The following EPHA6 variants were observed in gnomAD, a reference collection of about 807,000 sequenced individuals.
EPHA6 encodes EPH receptor A6, also known as ephrin type-A receptor 6.
Under a neutral mutation model 112.0 loss-of-function variants are expected in EPHA6, and 50 were observed. That is an observed-to-expected ratio of 0.45 (90% CI 0.36 to 0.56). The LOEUF is 0.56. EPHA6 is among the 20% of genes least tolerant of loss of function. The probability of loss-of-function intolerance (pLI) is 0.00; values close to 1 mark genes in which losing one functional copy is unlikely to be tolerated. For synonymous variants in EPHA6, 529 were observed against 490.7 expected (o/e 1.08, Z -1.03); for missense variants, 1,280 against 1,417.4 (o/e 0.90, Z 1.56).
chr3:97,232,112 T>G (rs1254429475), intron 4 of EPHA6, among the ~76,000 whole-genome samples: 2 of 152,192 alleles, frequency 1.3e-5, no homozygotes, highest in African/African-American at 4.8e-5. Flanking sequence ...ACCACATTTT[T>G]GGGTGTGATT....
At position 97,417,724 on chromosome 3, in the gene EPHA6, G is replaced by A. The variant is rs72928206; in HGVS notation, c.1731+12450G>A. ...TGAGAACACTATTGTCAGGATCAGA[G>A]TCTTGGGCCACTGGCTAGGAGGGAG... On this transcript the variant is annotated intron_variant, in intron 6 of 17. Transcript: ENST00000389672. Among the ~76,000 whole-genome samples, 1,143 of 152,232 alleles carry A rather than the reference G, an allele frequency of 7.5e-3. 13 individuals carry two copies. Among genetic ancestry groups the A allele is most frequent in the African/African-American group, 0.02 (851 of 41,550 alleles).
chr3:97,625,976 T>C (rs1478433120), intron 13 of EPHA6, among the ~76,000 whole-genome samples: 1 of 151,736 alleles, frequency 6.6e-6, no homozygotes. Context: ...CCTGATTCTA[T>C]TGCATTTCTA....
chr3:97,330,619 TA>T (rs1172950219), intron 5 of EPHA6, among the ~76,000 whole-genome samples: 2 of 152,144 alleles, frequency 1.3e-5, no homozygotes, highest in Non-Finnish European at 2.9e-5. Flanking sequence ...AAACAGACTT[TA>T]AACCAACAAA....
intron 3 of EPHA6, among the ~76,000 whole-genome samples, chr3:97,071,905 G>A (rs1407029659): frequency 2.0e-5 from 3 of 151,768 alleles, no homozygotes; most frequent in Non-Finnish European, 4.4e-5. Context: ...CATGTCCTTT[G>A]TGTCATTCTT....
intron 14 of EPHA6, among the ~76,000 whole-genome samples, chr3:97,675,305 C>A (rs1431181057): frequency 1.3e-5 from 2 of 151,956 alleles, no homozygotes; most frequent in Non-Finnish European, 2.9e-5. Flanking sequence ...ATGGTGAAAC[C>A]CCGTGTCTAC....
chr3:97,747,805 T>C (rs2035777916), intron 17 of EPHA6, among the ~76,000 whole-genome samples: 1 of 152,108 alleles, frequency 6.6e-6, no homozygotes, highest in Admixed American at 6.5e-5. Flanking sequence ...TTTTCTAAAA[T>C]GCATGTTACT....
intron 3 of EPHA6, among the ~76,000 whole-genome samples, chr3:97,166,292 A>G (rs564719307): frequency 6.6e-6 from 1 of 152,236 alleles, no homozygotes; most frequent in South Asian, 2.1e-4. Context: ...AAAAGACCTT[A>G]CAATAATTAA....
At chr3:97,682,658 C>T (rs1441909254) in intron 14 of EPHA6, among the ~76,000 whole-genome samples, 3 of 152,028 alleles carry the variant, frequency 2.0e-5, no homozygotes, top group Non-Finnish European at 4.4e-5. Flanking sequence ...ATTGAGGGTG[C>T]GTTTAGTTCA....
intron 6 of EPHA6, among the ~76,000 whole-genome samples, chr3:97,410,097 T>C (rs2107110839): frequency 6.6e-6 from 1 of 152,202 alleles, no homozygotes; most frequent in African/African-American, 2.4e-5. Context: ...GTAGCCTCTT[T>C]TAAAAGAAGG....
rs777060332 is a variant in EPHA6 at position 96,866,848 on chromosome 3, G to C, written c.409G>C (p.Val137Leu). ...NQVVLLDTTT[V>L]LGELGWKTYP... is the part of the protein sequence containing the mutation. Reference sequence around the variant, plus strand: ...AGTTGTGTTGCTTGATACAACAACTGTACTGGGAGAGCTAGGATGGAAAAC... The same window carrying C: ...AGTTGTGTTGCTTGATACAACAACTCTACTGGGAGAGCTAGGATGGAAAAC... The change falls in exon 2 of 18, where the codon GTA becomes CTA. Residue 137 changes from valine (V) to leucine (L), a missense_variant. By Grantham distance (32) the Val-to-Leu change is conservative. Transcript: ENST00000389672. 6.7e-7 allele frequency: 1 copy of C among 1,492,658 alleles called. No individual in the cohort carries two copies. Among genetic ancestry groups the C allele is most frequent in the Non-Finnish European group, 8.9e-7 (1 of 1,117,702 alleles). 92.5% of individuals were successfully genotyped at this position (1,492,658 alleles called of 1,614,324 possible). A position where few individuals can be genotyped will look rare whatever the true frequency, so the allele number is the denominator to read the frequency against.
intron 10 of EPHA6, 130 bp from the exon 11 acceptor site, chr3:97,532,228 A>G: frequency 1.4e-6 from 1 of 730,414 alleles, no homozygotes. Context: ...TTAAGAAAGA[A>G]ATGTTTATAT....
chr3:97,216,166 G>A (rs9854302), intron 3 of EPHA6, among the ~76,000 whole-genome samples: 5,828 of 152,238 alleles, frequency 0.038, 364 homozygotes, highest in African/African-American at 0.13. Context: ...TCCAGCATCT[G>A]CTTCTGGTGA....
chr3:97,582,669 C>T (rs9845221), intron 11 of EPHA6, among the ~76,000 whole-genome samples: 38,043 of 152,016 alleles, frequency 0.25, 6,863 homozygotes, highest in African/African-American at 0.5. Flanking sequence ...TGTTTCAAGA[C>T]TGATTGTGTT....
chr3:97,687,210 G>C (rs545349182), intron 14 of EPHA6, among the ~76,000 whole-genome samples: 1 of 151,654 alleles, frequency 6.6e-6, no homozygotes, highest in Admixed American at 6.6e-5. Flanking sequence ...CATCTTTTTC[G>C]AGTGCTTTAT....
At chr3:97,558,996 T>A (rs1417316777) in intron 11 of EPHA6, among the ~76,000 whole-genome samples, 1 of 151,990 alleles carries the variant, frequency 6.6e-6, no homozygotes, top group African/African-American at 2.4e-5. Flanking sequence ...ATGCATGCAG[T>A]TAAGAACAAA....
chr3:97,257,569 G>C (rs542885649), intron 5 of EPHA6, among the ~76,000 whole-genome samples: 2 of 151,792 alleles, frequency 1.3e-5, no homozygotes, highest in Admixed American at 1.3e-4. Context: ...TGTATGATTT[G>C]GTAAAAATCT....
intron 14 of EPHA6, among the ~76,000 whole-genome samples, chr3:97,686,646 A>C (rs2032273746): frequency 6.6e-6 from 1 of 152,200 alleles, no homozygotes; most frequent in South Asian, 2.1e-4. Context: ...TTTTGGTTTC[A>C]TTCACTGGTA....
At chr3:97,100,262 T>C (rs1358679951) in intron 3 of EPHA6, among the ~76,000 whole-genome samples, 1 of 149,624 alleles carries the variant, frequency 6.7e-6, no homozygotes, top group Non-Finnish European at 1.5e-5. Flanking sequence ...ATTTTATATA[T>C]ATATAGATAT....
intron 1 of EPHA6, among the ~76,000 whole-genome samples, chr3:96,850,244 G>A (rs1414527608): frequency 6.6e-6 from 1 of 152,066 alleles, no homozygotes; most frequent in Non-Finnish European, 1.5e-5. Context: ...TGTAATTTGG[G>A]GAGCATGAGG....
Sources: gnomAD v4.1 joint callset for allele counts (sites outside exome capture counted in the v4.1 genomes callset) on GRCh38, gnomAD v4.1.1 for gene constraint, MANE v1.5 for transcripts, NCBI Gene and HGNC (gene_info 2026-07-23, HGNC 2026-07-21) for gene names.